ZFAT: variants seen among roughly 807,000 people sequenced by gnomAD.
ZFAT encodes zinc finger and AT-hook domain containing.
A neutral mutation model predicts 117.7 loss-of-function variants in ZFAT; 64 were observed. The ratio of observed to expected loss-of-function variants is 0.54; its 90% CI spans 0.44 to 0.67. The LOEUF (loss-of-function observed/expected upper bound fraction) is 0.67. Ranked by LOEUF, ZFAT falls within the 30% of genes least tolerant of loss-of-function variation. The pLI, the probability that ZFAT is intolerant of heterozygous loss-of-function variation, is 0.00. For synonymous variants in ZFAT, 679 were observed against 615.0 expected (o/e 1.10, Z -1.54); for missense variants, 1,433 against 1,584.5 (o/e 0.90, Z 1.62).
intron 1 of ZFAT, chr8:134,696,306 C>T (rs972465092): frequency 1.9e-5 from 17 of 891,022 alleles, no homozygotes; most frequent in African/African-American, 3.6e-5. Flanking sequence ...CCCTGCAAAG[C>T]AGTACAGCGT....
chr8:134,519,461 C>T (rs556749171), intron 13 of ZFAT, among the ~76,000 whole-genome samples: 2 of 152,130 alleles, frequency 1.3e-5, no homozygotes, highest in Non-Finnish European at 2.9e-5. Flanking sequence ...TTAGCATATA[C>T]ATATTCTTAT....
the ZFAT span, among the ~76,000 whole-genome samples, chr8:134,739,152 C>A: frequency 2.0e-5 from 3 of 152,166 alleles, no homozygotes; most frequent in African/African-American, 7.2e-5. Context: ...ATGCCATAGA[C>A]CCCAGCTGGG....
chr8:134,544,273 T>G (rs1586678471), intron 11 of ZFAT, among the ~76,000 whole-genome samples: 1 of 152,008 alleles, frequency 6.6e-6, no homozygotes, highest in South Asian at 2.1e-4. Flanking sequence ...TCACCTATGC[T>G]CCCCCAGCAG....
At chr8:134,792,046 G>A in the ZFAT span, 4 of 152,134 alleles carry the variant, frequency 2.6e-5, no homozygotes, top group African/African-American at 9.7e-5. Context: ...TTAGCAAAAA[G>A]GTATGGAGTA....
At chr8:134,591,747 CA>C (rs1826521795) in intron 7 of ZFAT, among the ~76,000 whole-genome samples, 1 of 152,116 alleles carries the variant, frequency 6.6e-6, no homozygotes, top group Non-Finnish European at 1.5e-5. Context: ...AGGCAGAGAC[CA>C]GAGCAATGCA....
At chr8:134,516,196 A>G (rs1416967532) in intron 13 of ZFAT, among the ~76,000 whole-genome samples, 1 of 152,258 alleles carries the variant, frequency 6.6e-6, no homozygotes, top group African/African-American at 2.4e-5. Context: ...TCACCATGGA[A>G]TTGACCAATG....
intron 11 of ZFAT, among the ~76,000 whole-genome samples, chr8:134,539,882 C>G (rs1289755715): frequency 6.6e-6 from 1 of 151,150 alleles, no homozygotes; most frequent in Non-Finnish European, 1.5e-5. Context: ...AGGTGTTAGG[C>G]CCACCACTAA....
chr8:134,486,438 T>C (rs1373002814), intron 15 of ZFAT, among the ~76,000 whole-genome samples: 1 of 152,108 alleles, frequency 6.6e-6, no homozygotes, highest in Non-Finnish European at 1.5e-5. Flanking sequence ...ATCCTTCATG[T>C]TTCAAATCCA....
intron 11 of ZFAT, among the ~76,000 whole-genome samples, chr8:134,535,749 C>T (rs771131872): frequency 4.0e-5 from 6 of 151,748 alleles, no homozygotes; most frequent in African/African-American, 1.5e-4. Context: ...CTATCTAGTG[C>T]GCAGAGAACA....
At chr8:134,636,094 C>A (rs1328316982) in intron 3 of ZFAT, among the ~76,000 whole-genome samples, 2 of 152,212 alleles carry the variant, frequency 1.3e-5, no homozygotes, top group African/African-American at 4.8e-5. Flanking sequence ...GGCCACCAAC[C>A]TAGATGCTCC....
In ZFAT at chr8:134,679,130, C is replaced by T. The variant is rs1400418939; in HGVS notation, c.20-21393G>A. 2.0e-5 allele frequency among the ~76,000 whole-genome samples: 3 copies of T among 152,140 alleles called. No homozygotes were observed. In the East Asian group the frequency reaches 5.8e-4, roughly 29 times the overall value. ...AAGACCTTCTGCACAGCAAAAGAAA[C>T]TATCATCAGAGTCAACAGGCAACCT... On this transcript the variant is annotated intron_variant, in intron 1 of 15. Coordinates refer to ENST00000377838, the MANE Select transcript of ZFAT (RefSeq NM_020863.4).
chr8:134,605,323 G>A (rs150434866), intron 5 of ZFAT, among the ~76,000 whole-genome samples: 1 of 152,116 alleles, frequency 6.6e-6, no homozygotes, highest in Non-Finnish European at 1.5e-5. Flanking sequence ...GAGGAGGGCG[G>A]ATCACAAGGT....
intron 10 of ZFAT, among the ~76,000 whole-genome samples, chr8:134,566,049 G>A (rs1824436073): frequency 6.6e-6 from 1 of 152,110 alleles, no homozygotes; most frequent in African/African-American, 2.4e-5. Context: ...GGCATTTTGG[G>A]GAGAATGCTA....
At chr8:134,780,155 G>C in the ZFAT span, among the ~76,000 whole-genome samples, 4 of 152,142 alleles carry the variant, frequency 2.6e-5, no homozygotes, top group African/African-American at 9.7e-5. Flanking sequence ...CTTGAGTTCT[G>C]AAAATGACTA....
rs1817078752 is a variant in ZFAT, at chr8:134,478,808, C to A, written c.3493-87G>T. 6.7e-7 allele frequency: 1 copy of A among 1,488,828 alleles called. No individual in the cohort carries two copies. The highest frequency in any genetic ancestry group is 9.0e-7 in the Non-Finnish European group (1 of 1,116,404). The allele number at this position is 1,488,828 out of a possible 1,614,324, so 92.2% of individuals were successfully genotyped here. ...AAAGTCACAACTACAGTTTAGGAGG[C>A]ACCAGTGCGCTGCGGGAGCACGTCC... On this transcript the variant is annotated intron_variant, in intron 15 of 15. Coordinates refer to ENST00000377838, the MANE Select transcript of ZFAT (RefSeq NM_020863.4). The surrounding 1 kb of genome is among the most constrained non-coding windows in gnomAD (Gnocchi z 5.2).
At chr8:134,712,817 T>A in intron 1 of ZFAT, 28 bp downstream of exon 1, 4 of 498,306 alleles carry the variant, frequency 8.0e-6, no homozygotes, top group African/African-American at 2.7e-5. Context: ...CCCCACCCCG[T>A]CTCACCCCAA....
At chr8:134,584,040 T>A in intron 9 of ZFAT, 35 bp from the exon 10 acceptor site, 1 of 1,533,802 alleles carries the variant, frequency 6.5e-7, no homozygotes, top group Non-Finnish European at 8.8e-7. Context: ...CTCTATATAT[T>A]TACATACGTT....
the ZFAT span, among the ~76,000 whole-genome samples, chr8:134,790,436 G>C: frequency 6.6e-6 from 1 of 152,146 alleles, no homozygotes; most frequent in Non-Finnish European, 1.5e-5. Flanking sequence ...ACAGAAGCTG[G>C]CATGAAACTG....
chr8:134,771,879 C>CGTGGAACATCCCTGAG, the ZFAT span, among the ~76,000 whole-genome samples: 1 of 152,126 alleles, frequency 6.6e-6, no homozygotes, highest in Non-Finnish European at 1.5e-5. Context: ...TGGCAGAAGG[C>CGTGGAACATCCCTGAG]AAGGAGGAGC....
Sources: gnomAD v4.1 joint callset for allele counts (sites outside exome capture counted in the v4.1 genomes callset) on GRCh38, gnomAD v4.1.1 for gene constraint, Gnocchi (gnomAD v3.1) non-coding constraint, MANE v1.5 for transcripts, NCBI Gene and HGNC (gene_info 2026-07-23, HGNC 2026-07-21) for gene names.